Variants in SPATA6 observed in about 807,000 individuals in gnomAD.
The protein encoded by SPATA6 is spermatogenesis associated 6.
Under a neutral mutation model 65.3 loss-of-function variants are expected in SPATA6, and 56 were observed. The ratio of observed to expected loss-of-function variants is 0.86; its 90% CI spans 0.69 to 1.07. The LOEUF (loss-of-function observed/expected upper bound fraction) is 1.07. Among genes scored for constraint, SPATA6 ranks in the 50% least tolerant of loss-of-function variants. The pLI, the probability that SPATA6 is intolerant of heterozygous loss-of-function variation, is 0.00. For missense variants in SPATA6, 590 were observed against 594.8 expected (o/e 0.99, Z 0.08); for synonymous variants, 199 against 213.2 (o/e 0.93, Z 0.58).
chr1:48,290,903 C>A (rs962720359), downstream of SPATA6, among the ~76,000 whole-genome samples: 18 of 152,228 alleles, frequency 1.2e-4, no homozygotes, highest in Admixed American at 1.0e-3. Context: ...TAATGGGAGA[C>A]TTTAACACCC....
In SPATA6 at chr1:48,307,242, G is replaced by A. The variant is rs74771410; in HGVS notation, c.1195-1364C>T. Among the ~76,000 whole-genome samples the A allele has an allele frequency of 5.2e-3, 783 of 151,310 alleles. 19 individuals carry two copies. The highest frequency in any genetic ancestry group is 0.05 in the South Asian group (240 of 4,794). On this transcript the variant is annotated intron_variant, in intron 11 of 12. Coordinates refer to ENST00000371847, the MANE Select transcript of SPATA6 (RefSeq NM_019073.4). ...CCTGTGGAGTGATGATGCCCATCTAGATCAAGGATATCATATAGGGGTATT... is the reference window on the plus strand; with the variant it reads ...CCTGTGGAGTGATGATGCCCATCTAAATCAAGGATATCATATAGGGGTATT...
chr1:48,271,889 T>C, the SPATA6 span, among the ~76,000 whole-genome samples: 1 of 152,112 alleles, frequency 6.6e-6, no homozygotes, highest in Admixed American at 6.5e-5. Context: ...CAATAGATAT[T>C]GTACTGTAAT....
chr1:48,287,684 C>T, the SPATA6 span, among the ~76,000 whole-genome samples: 1 of 152,216 alleles, frequency 6.6e-6, no homozygotes, highest in Non-Finnish European at 1.5e-5. Flanking sequence ...TGATTATGAG[C>T]TCCCTGAGGC....
intron 5 of SPATA6, among the ~76,000 whole-genome samples, chr1:48,404,327 T>A (rs1651478818): frequency 1.3e-5 from 2 of 152,188 alleles, no homozygotes; most frequent in South Asian, 4.1e-4. Flanking sequence ...CATCATGTTG[T>A]ATATCATAAA....
chr1:48,284,485 G>A, the SPATA6 span, among the ~76,000 whole-genome samples: 1 of 152,194 alleles, frequency 6.6e-6, no homozygotes, highest in Non-Finnish European at 1.5e-5. Context: ...GGGAGGAGTT[G>A]TGATCATTTG....
At chr1:48,379,899 T>C (rs1344296176) in intron 9 of SPATA6, among the ~76,000 whole-genome samples, 1 of 152,254 alleles carries the variant, frequency 6.6e-6, no homozygotes, top group Non-Finnish European at 1.5e-5. Context: ...GCTTTACGTG[T>C]ATGATAGCCT....
At chr1:48,333,605 G>A (rs1589804) in intron 11 of SPATA6, among the ~76,000 whole-genome samples, 148,951 of 152,334 alleles carry the variant, frequency 0.98, 72,907 homozygotes, top group East Asian at 1. Flanking sequence ...TAATGAGAAC[G>A]AAGACATAGC....
At chr1:48,317,638 T>C (rs1446922150) in intron 11 of SPATA6, among the ~76,000 whole-genome samples, 1 of 152,002 alleles carries the variant, frequency 6.6e-6, no homozygotes. Context: ...GTAACAAACC[T>C]GCACGTTGTG....
intron 1 of SPATA6, among the ~76,000 whole-genome samples, chr1:48,469,123 A>T (rs1658026152): frequency 6.6e-6 from 1 of 152,160 alleles, no homozygotes; most frequent in Admixed American, 6.5e-5. Flanking sequence ...GCCTGTCATC[A>T]TACCCAGCTA....
chr1:48,311,902 C>T (rs111994601), intron 11 of SPATA6, among the ~76,000 whole-genome samples: 9 of 152,184 alleles, frequency 5.9e-5, no homozygotes, highest in South Asian at 2.1e-4. Context: ...TCTTAGCAAA[C>T]GGCACACCAG....
chr1:48,373,322 G>A (rs528625129), intron 9 of SPATA6, among the ~76,000 whole-genome samples: 32 of 152,246 alleles, frequency 2.1e-4, no homozygotes, highest in South Asian at 4.1e-4. Flanking sequence ...GCAAAATGCC[G>A]CCACTCTCTT....
chr1:48,322,878 C>T (rs574142793), intron 11 of SPATA6, among the ~76,000 whole-genome samples: 2 of 152,332 alleles, frequency 1.3e-5, no homozygotes, highest in Admixed American at 1.3e-4. Context: ...GAGATATCAT[C>T]TCATGCCAGT....
At chr1:48,407,352 C>T (rs564787568) in intron 5 of SPATA6, among the ~76,000 whole-genome samples, 3 of 152,270 alleles carry the variant, frequency 2.0e-5, no homozygotes, top group Non-Finnish European at 4.4e-5. Context: ...TTATTGTTAC[C>T]TTACTCCCAG....
At chr1:48,280,738 G>A in the SPATA6 span, among the ~76,000 whole-genome samples, 16 of 152,116 alleles carry the variant, frequency 1.1e-4, no homozygotes, top group East Asian at 1.9e-4. Context: ...ATTCACAGCC[G>A]AATTCTGCCA....
At chr1:48,433,483 C>T (rs1654598976) in intron 3 of SPATA6, among the ~76,000 whole-genome samples, 1 of 152,024 alleles carries the variant, frequency 6.6e-6, no homozygotes, top group Non-Finnish European at 1.5e-5. Context: ...TTTCCTTCTT[C>T]TTCTGTAAAA....
chr1:48,267,428 G>T, the SPATA6 span, among the ~76,000 whole-genome samples: 1 of 152,138 alleles, frequency 6.6e-6, no homozygotes, highest in African/African-American at 2.4e-5. Context: ...TGGAAAAATC[G>T]AATCACACGT....
At chr1:48,358,800 GGT>G (rs1646728392) in intron 10 of SPATA6, among the ~76,000 whole-genome samples, 3 of 151,960 alleles carry the variant, frequency 2.0e-5, no homozygotes. Context: ...TCAGGATTAG[GGT>G]CTACAACATG....
chr1:48,389,486 A>T (rs1288237333), intron 8 of SPATA6, among the ~76,000 whole-genome samples: 1 of 152,208 alleles, frequency 6.6e-6, no homozygotes, highest in Admixed American at 6.5e-5. Flanking sequence ...TATTATAGCC[A>T]AAATGTCTAA....
intron 3 of SPATA6, among the ~76,000 whole-genome samples, chr1:48,428,815 GTA>G (rs746601806): frequency 1.7e-5 from 2 of 118,168 alleles, no homozygotes; most frequent in South Asian, 2.8e-4. Context: ...GTGTGTATAT[GTA>G]TATATATGTG....
Sources: allele counts gnomAD v4.1 joint callset (sites outside exome capture counted in the v4.1 genomes callset), GRCh38; gene constraint gnomAD v4.1.1; transcripts MANE v1.5; gene names NCBI Gene and HGNC (gene_info 2026-07-23, HGNC 2026-07-21).